Variants in KIDINS220 observed in about 807,000 individuals in gnomAD.
The protein encoded by KIDINS220 is kinase D interacting substrate 220.
Under a neutral mutation model 157.6 loss-of-function variants are expected in KIDINS220, and 63 were observed. That is an observed-to-expected ratio of 0.40 (90% CI 0.33 to 0.49). KIDINS220 has a LOEUF of 0.49. Among genes scored for constraint, KIDINS220 ranks in the 20% least tolerant of loss-of-function variants. The pLI, the probability that KIDINS220 is intolerant of heterozygous loss-of-function variation, is 0.66. For synonymous variants in KIDINS220, 732 were observed against 783.6 expected, an observed-to-expected ratio of 0.93 and a Z score of 1.10; for missense variants, 1,772 against 2,171.2, an observed-to-expected ratio of 0.82 and a Z score of 3.65.
intron 26 of KIDINS220, among the ~76,000 whole-genome samples, chr2:8,737,702 T>C (rs1008609958): frequency 6.6e-6 from 1 of 152,260 alleles, no homozygotes; most frequent in Non-Finnish European, 1.5e-5. Context: ...ATTTTCGGAA[T>C]GTGGATACTA....
intron 26 of KIDINS220, among the ~76,000 whole-genome samples, chr2:8,746,172 G>A (rs1305742536): frequency 5.3e-5 from 8 of 150,148 alleles, no homozygotes; most frequent in African/African-American, 7.4e-5. Context: ...GTGCGATCTC[G>A]GCTCACTGCA....
intron 20 of KIDINS220, among the ~76,000 whole-genome samples, chr2:8,778,267 AG>A (rs1331463261): frequency 6.6e-6 from 1 of 152,222 alleles, no homozygotes. Flanking sequence ...AGACAAAGCC[AG>A]GAGTTTTCTC....
intron 1 of KIDINS220, 136 bp downstream of exon 1, chr2:8,837,344 G>A (rs1206260884): frequency 6.6e-6 from 1 of 151,952 alleles, no homozygotes; most frequent in Non-Finnish European, 1.5e-5. Flanking sequence ...CCCCCGGTCC[G>A]AGCTCGCCCC....
intron 15 of KIDINS220, among the ~76,000 whole-genome samples, chr2:8,788,360 C>A (rs1428343971): frequency 4.6e-5 from 7 of 152,010 alleles, no homozygotes; most frequent in African/African-American, 1.7e-4. Flanking sequence ...CCTCTGCCTC[C>A]CAGGTTCAAG....
intron 6 of KIDINS220, among the ~76,000 whole-genome samples, chr2:8,810,044 C>T (rs1676064738): frequency 6.6e-6 from 1 of 152,116 alleles, no homozygotes; most frequent in African/African-American, 2.4e-5. Context: ...CACCTGAAGC[C>T]GTCCCCTGGT....
intron 26 of KIDINS220, among the ~76,000 whole-genome samples, chr2:8,744,407 T>A (rs1372562158): frequency 3.4e-4 from 9 of 26,808 alleles, no homozygotes; most frequent in African/African-American, 8.0e-4. Flanking sequence ...ATATAATATA[T>A]ATATATATAT....
rs753248295 is a variant in KIDINS220, at chr2:8,736,884, C to T, written c.3701G>A (p.Cys1234Tyr). 2 of 1,614,130 alleles carry T rather than the reference C, an allele frequency of 1.2e-6. No homozygotes were observed. Among genetic ancestry groups the T allele is most frequent in the Admixed American group, 1.7e-5 (1 of 60,028 alleles). Residue 1234 changes from cysteine to tyrosine, a missense_variant, in exon 27 of 30, where the codon TGT becomes TAT. Physicochemically the swap from Cys to Tyr is radical, Grantham distance 194. This residue lies in a region of KIDINS220 where 793 missense variants were observed against 885.5 expected (regional missense o/e 0.90). Transcript: ENST00000256707. ...CTGCCTCACCTTTTTGATCGTGGTA[C>T]AATACTGAGGCAGCATACTCTGGTC... ...GLDQSMLPQYCTTIKKANING... is the reference protein window; with the variant it reads ...GLDQSMLPQYYTTIKKANING...
chr2:8,818,816 G>A, intron 2 of KIDINS220, 23 bp from the exon 3 acceptor site: 2 of 1,396,658 alleles, frequency 1.4e-6, no homozygotes, highest in Admixed American at 2.0e-5. Flanking sequence ...AAAGACAAAG[G>A]GAACTTATCA....
chr2:8,771,143 G>A (rs1027867116), intron 21 of KIDINS220, among the ~76,000 whole-genome samples: 1 of 152,080 alleles, frequency 6.6e-6, no homozygotes, highest in Non-Finnish European at 1.5e-5. Context: ...ACAGTTCAAC[G>A]CCACCCACGA....
chr2:8,821,538 G>C (rs776043398), intron 2 of KIDINS220, among the ~76,000 whole-genome samples: 1 of 152,212 alleles, frequency 6.6e-6, no homozygotes, highest in Non-Finnish European at 1.5e-5. Flanking sequence ...TAGGCACACA[G>C]TGAGGACTGG....
rs565459863 is a variant in KIDINS220, at chr2:8,733,498, C to G, written c.3999G>C (p.Leu1333=). The part of the protein sequence containing the change: ...PYTLNFSFEE[L]NTLGLDEGAP... ...CACCTTCATCCAGGCCAAGCGTGTT[C>G]AGCTCTTCGAAGCTGAAGTTGAGTG... is the stretch of plus-strand genomic sequence containing the variant. Residue 1333 remains leucine, a synonymous_variant, in exon 29 of 30, where the codon CTG becomes CTC. Coordinates refer to ENST00000256707, the MANE Select transcript of KIDINS220 (RefSeq NM_020738.4). The G allele has an allele frequency of 1.2e-6, 2 of 1,614,130 alleles. No homozygotes were observed. The highest frequency in any genetic ancestry group is 1.3e-5 in the African/African-American group (1 of 75,044).
intron 26 of KIDINS220, among the ~76,000 whole-genome samples, chr2:8,741,561 CAG>C (rs1665631933): frequency 6.6e-6 from 1 of 152,144 alleles, no homozygotes; most frequent in Non-Finnish European, 1.5e-5. Context: ...GCCTGGGTGA[CAG>C]AGCGAGACTC....
At chr2:8,820,405 A>T (rs1202577045) in intron 2 of KIDINS220, among the ~76,000 whole-genome samples, 1 of 152,218 alleles carries the variant, frequency 6.6e-6, no homozygotes, top group African/African-American at 2.4e-5. Context: ...TGCTGAGTAA[A>T]CGAGTGAGCA....
chr2:8,813,460 T>C (rs1676615142), intron 4 of KIDINS220, 125 bp from the exon 5 acceptor site: 2 of 645,620 alleles, frequency 3.1e-6, no homozygotes, highest in Admixed American at 6.6e-5. Context: ...GGTAGTATTA[T>C]ATAGTTCTAA....
At chr2:8,827,695 G>T (rs958229949) in intron 1 of KIDINS220, among the ~76,000 whole-genome samples, 17 of 152,016 alleles carry the variant, frequency 1.1e-4, no homozygotes, top group Non-Finnish European at 2.5e-4. Context: ...TGGTCTCACT[G>T]CAAATAAATA....
downstream of KIDINS220, chr2:8,721,281 G>C (rs1447303788): frequency 6.6e-6 from 1 of 152,222 alleles, no homozygotes; most frequent in Non-Finnish European, 1.5e-5. Context: ...AAGGGCAAGT[G>C]TATCAAAGCT....
At chr2:8,783,614 TAACA>T (rs1012792894) in intron 17 of KIDINS220, among the ~76,000 whole-genome samples, 15 of 149,494 alleles carry the variant, frequency 1.0e-4, no homozygotes, top group African/African-American at 3.7e-4. Flanking sequence ...CTCCTGGGAC[TAACA>T]AACAATTATA....
chr2:8,830,685 T>C (rs1431525034), intron 1 of KIDINS220, among the ~76,000 whole-genome samples: 4 of 152,074 alleles, frequency 2.6e-5, no homozygotes, highest in African/African-American at 4.8e-5. Context: ...TCCCAAAGTG[T>C]TGGGATTACA....
At chr2:8,802,805 G>A (rs1285231653) in intron 8 of KIDINS220, 125 bp downstream of exon 8, 1 of 690,892 alleles carries the variant, frequency 1.4e-6, no homozygotes, top group Non-Finnish European at 2.4e-6. Context: ...AGTTTCAAAG[G>A]CAGAAATAAA....
Sources: gnomAD v4.1 joint callset for allele counts (sites outside exome capture counted in the v4.1 genomes callset) on GRCh38, gnomAD v4.1.1 for gene constraint, gnomAD v4.1.1 regional missense constraint, MANE v1.5 for transcripts, NCBI Gene and HGNC (gene_info 2026-07-23, HGNC 2026-07-21) for gene names.